Variants in ITCH observed in about 807,000 individuals in gnomAD.
ITCH encodes itchy E3 ubiquitin protein ligase.
In ITCH, 28 loss-of-function variants were observed where a neutral mutation model predicts 126.8. The observed-to-expected ratio is 0.22, with a 90% CI of 0.16 to 0.30. The LOEUF (loss-of-function observed/expected upper bound fraction) is 0.30. Ranked by LOEUF, ITCH falls within the 10% of genes least tolerant of loss-of-function variation. ITCH has a pLI of 1.00. For synonymous variants in ITCH, 342 were observed against 340.0 expected (o/e 1.01, Z -0.06); for missense variants, 631 against 1,032.4 (o/e 0.61, Z 5.33).
At chr20:34,485,434 C>G (rs1989035493) in intron 20 of ITCH, among the ~76,000 whole-genome samples, 1 of 152,148 alleles carries the variant, frequency 6.6e-6, no homozygotes, top group Admixed American at 6.5e-5. Flanking sequence ...TCAGCATTGT[C>G]AGTAATATCT....
intron 14 of ITCH, among the ~76,000 whole-genome samples, chr20:34,464,630 C>G (rs548204208): frequency 1.3e-5 from 2 of 152,082 alleles, no homozygotes; most frequent in South Asian, 2.1e-4. Flanking sequence ...CCCAGCCTGT[C>G]AGTTTTTTCT....
chr20:34,452,827 G>C (rs1400167253), intron 12 of ITCH, among the ~76,000 whole-genome samples: 1 of 152,138 alleles, frequency 6.6e-6, no homozygotes, highest in Non-Finnish European at 1.5e-5. Flanking sequence ...TTTGTGCCAC[G>C]ATGCCTAGCT....
chr20:34,382,195 A>C (rs1231972344), intron 2 of ITCH, among the ~76,000 whole-genome samples: 6 of 152,146 alleles, frequency 3.9e-5, no homozygotes, highest in Non-Finnish European at 1.5e-5. Flanking sequence ...TTGTTTCCTA[A>C]TAGGTAAGTG....
At chr20:34,503,885 GT>G (rs11167236) in intron 23 of ITCH, among the ~76,000 whole-genome samples, 19 of 109,624 alleles carry the variant, frequency 1.7e-4, no homozygotes, top group South Asian at 1.4e-3. Context: ...TTTTTTTTTG[GT>G]TTTTTTTTTT....
At chr20:34,402,626 C>G in intron 3 of ITCH, 1 of 606,080 alleles carries the variant, frequency 1.6e-6, no homozygotes, top group Non-Finnish European at 3.1e-6. Context: ...GGTACATATT[C>G]TGATGGAAAT....
intron 17 of ITCH, among the ~76,000 whole-genome samples, chr20:34,479,065 G>C (rs559021401): frequency 6.5e-4 from 99 of 152,146 alleles, no homozygotes; most frequent in Non-Finnish European, 1.2e-3. Flanking sequence ...ATTTGACTTA[G>C]AGTCTCAGCA....
At chr20:34,382,003 C>G (rs1208642626) in intron 2 of ITCH, among the ~76,000 whole-genome samples, 1 of 152,238 alleles carries the variant, frequency 6.6e-6, no homozygotes, top group South Asian at 2.1e-4. Flanking sequence ...TCTTAGATTT[C>G]CATTTGTTTA....
chr20:34,504,495 T>C lies in ITCH; in HGVS notation c.2489+92T>C, dbSNP rs945673438. Reference sequence around the variant, plus strand: ...GCTAGAAATTAAAAATGATATTTAGTAGATTTACAGAATAGCACAGCCATC... The same window carrying C: ...GCTAGAAATTAAAAATGATATTTAGCAGATTTACAGAATAGCACAGCCATC... On this transcript the variant is annotated intron_variant, in intron 24 of 24. Coordinates refer to ENST00000374864, the MANE Select transcript of ITCH (RefSeq NM_031483.7). The C allele has an allele frequency of 2.2e-4, 185 of 850,920 alleles. 1 individual carries two copies. Among genetic ancestry groups the C allele is most frequent in the African/African-American group, 3.4e-5 (2 of 59,638 alleles). The allele number at this position is 850,920 out of a possible 1,614,324, so 52.7% of individuals were successfully genotyped here.
intron 2 of ITCH, among the ~76,000 whole-genome samples, chr20:34,384,778 A>G (rs1462756110): frequency 6.7e-6 from 1 of 149,162 alleles, no homozygotes; most frequent in East Asian, 2.0e-4. Flanking sequence ...CTCCTGCCTC[A>G]GCCTCCCAAG....
At chr20:34,482,625 G>C (rs2146479020) in intron 20 of ITCH, among the ~76,000 whole-genome samples, 1 of 152,356 alleles carries the variant, frequency 6.6e-6, no homozygotes, top group African/African-American at 2.4e-5. Flanking sequence ...GGGCTTTGCA[G>C]GGTATAGCCC....
At chr20:34,444,019 C>T (rs1175678375) in intron 10 of ITCH, among the ~76,000 whole-genome samples, 1 of 152,098 alleles carries the variant, frequency 6.6e-6, no homozygotes, top group Admixed American at 6.6e-5. Context: ...TGTATTAATA[C>T]ATACCCTTCA....
chr20:34,491,293 C>G (rs2146515127), intron 22 of ITCH, among the ~76,000 whole-genome samples: 1 of 152,178 alleles, frequency 6.6e-6, no homozygotes. Flanking sequence ...GCGAAGTAAG[C>G]CAGACACAAA....
chr20:34,426,941 A>AT (rs753210641), intron 7 of ITCH, among the ~76,000 whole-genome samples: 72 of 151,146 alleles, frequency 4.8e-4, no homozygotes, highest in Non-Finnish European at 7.7e-4. Context: ...TGCCCAGCTA[A>AT]TTTTTTGTAT....
At chr20:34,451,005 G>T in intron 12 of ITCH, 1 of 152,246 alleles carries the variant, frequency 6.6e-6, no homozygotes, top group Non-Finnish European at 1.5e-5. Flanking sequence ...TGAAAGTTGT[G>T]GGCCCGATGC....
intron 13 of ITCH, among the ~76,000 whole-genome samples, chr20:34,461,049 A>C (rs963249377): frequency 6.6e-6 from 1 of 152,214 alleles, no homozygotes; most frequent in East Asian, 1.9e-4. Context: ...GAGTTGCCTT[A>C]GTAGAAAAAC....
chr20:34,449,311 T>A (rs1984880701), intron 11 of ITCH, 100 bp from the exon 12 acceptor site: 1 of 725,690 alleles, frequency 1.4e-6, no homozygotes, highest in Non-Finnish European at 2.5e-6. Context: ...AAACTCTCTG[T>A]GTTATACATT....
chr20:34,428,411 T>C (rs900875038), intron 7 of ITCH, among the ~76,000 whole-genome samples: 1 of 152,200 alleles, frequency 6.6e-6, no homozygotes, highest in African/African-American at 2.4e-5. Context: ...TCAAGCACTG[T>C]CTGTATCATA....
intron 6 of ITCH, among the ~76,000 whole-genome samples, chr20:34,417,836 G>C (rs1980155455): frequency 6.7e-6 from 1 of 149,942 alleles, no homozygotes; most frequent in Non-Finnish European, 1.5e-5. Context: ...TTCGTGGGAT[G>C]GTTTTTTTGG....
At chr20:34,392,010 A>G (rs2038507357) in intron 2 of ITCH, among the ~76,000 whole-genome samples, 1 of 152,178 alleles carries the variant, frequency 6.6e-6, no homozygotes, top group African/African-American at 2.4e-5. Flanking sequence ...TATCATGCAG[A>G]ATATCAGCAG....
Sources: gnomAD v4.1 joint callset for allele counts (sites outside exome capture counted in the v4.1 genomes callset) on GRCh38, gnomAD v4.1.1 for gene constraint, MANE v1.5 for transcripts, NCBI Gene and HGNC (gene_info 2026-07-23, HGNC 2026-07-21) for gene names.